PHACTR4: variants seen among roughly 807,000 people sequenced by gnomAD.
PHACTR4 encodes phosphatase and actin regulator 4.
Under a neutral mutation model 72.7 loss-of-function variants are expected in PHACTR4, and 51 were observed. The observed-to-expected ratio is 0.70, with a 90% CI of 0.56 to 0.89. The LOEUF (loss-of-function observed/expected upper bound fraction) is 0.89, where lower values mean the gene tolerates loss of function less well. PHACTR4 is among the 40% of genes least tolerant of loss of function. PHACTR4 has a pLI of 0.00. For synonymous variants in PHACTR4, 255 were observed against 302.5 expected (o/e 0.84, Z 1.63); for missense variants, 731 against 861.8 (o/e 0.85, Z 1.90).
intron 1 of PHACTR4, among the ~76,000 whole-genome samples, chr1:28,378,362 C>T (rs900340725): frequency 2.8e-5 from 4 of 140,582 alleles, no homozygotes; most frequent in Admixed American, 7.1e-5. Flanking sequence ...AAATTGGCTG[C>T]GTGTGGTGGC....
chr1:28,474,215 A>G (rs912880271), intron 7 of PHACTR4, 64 bp downstream of exon 7: 2 of 1,442,868 alleles, frequency 1.4e-6, no homozygotes, highest in Non-Finnish European at 9.4e-7. Flanking sequence ...CTTGGAAAAA[A>G]TTACTTATAA....
At chr1:28,478,622 G>GT (rs1335069214) in intron 8 of PHACTR4, among the ~76,000 whole-genome samples, 2 of 151,828 alleles carry the variant, frequency 1.3e-5, no homozygotes, top group Admixed American at 6.6e-5. Context: ...TTTTGTTTTT[G>GT]TTTTTGTTTT....
chr1:28,430,797 G>A (rs946579019), intron 2 of PHACTR4, among the ~76,000 whole-genome samples: 1 of 152,006 alleles, frequency 6.6e-6, no homozygotes, highest in Non-Finnish European at 1.5e-5. Context: ...GATTTTCCTA[G>A]GTAATCCAAT....
chr1:28,386,956 G>T (rs1452501650), intron 1 of PHACTR4, among the ~76,000 whole-genome samples: 1 of 152,108 alleles, frequency 6.6e-6, no homozygotes, highest in Non-Finnish European at 1.5e-5. Flanking sequence ...TGTTTATTAA[G>T]CAAGCTTAAA....
At chr1:28,413,557 T>C (rs891293227) in intron 2 of PHACTR4, among the ~76,000 whole-genome samples, 1 of 152,232 alleles carries the variant, frequency 6.6e-6, no homozygotes. Flanking sequence ...CCTTTAGATA[T>C]GTTTCCTGCA....
chr1:28,435,926 A>G (rs568219669), intron 2 of PHACTR4, among the ~76,000 whole-genome samples: 2 of 152,330 alleles, frequency 1.3e-5, no homozygotes, highest in South Asian at 4.1e-4. Flanking sequence ...TTGTGCTTTC[A>G]GTGCATTTTT....
At position 28,423,408 on chromosome 1, in the gene PHACTR4, C is replaced by CAAATAAATAAATAAAT. The variant is rs148724281; in HGVS notation, c.16+15966_16+15981dup. Among the ~76,000 whole-genome samples, 508 of 147,674 alleles carry CAAATAAATAAATAAAT rather than the reference C, an allele frequency of 3.4e-3. 4 individuals are homozygous for CAAATAAATAAATAAAT. Among genetic ancestry groups the CAAATAAATAAATAAAT allele is most frequent in the African/African-American group, 0.011 (441 of 40,230 alleles). Reference sequence around the variant, plus strand: ...TGGGCAACAGAGCAAGATCCTGCCTCAAATAAATAAATAAATAAATAAATA... The same window carrying CAAATAAATAAATAAAT: ...TGGGCAACAGAGCAAGATCCTGCCTCAAATAAATAAATAAATAAATAAATAAATAAATAAATAAATA... On this transcript the variant is annotated intron_variant, in intron 2 of 13. Transcript: ENST00000373839.
At chr1:28,456,528 A>G (rs903051624) in intron 2 of PHACTR4, among the ~76,000 whole-genome samples, 1 of 152,056 alleles carries the variant, frequency 6.6e-6, no homozygotes. Context: ...CAGTGGCACG[A>G]TCACAGCTCA....
chr1:28,420,517 C>T (rs1459760442), intron 2 of PHACTR4, among the ~76,000 whole-genome samples: 3 of 152,168 alleles, frequency 2.0e-5, no homozygotes, highest in Non-Finnish European at 2.9e-5. Flanking sequence ...TCAATTAAAC[C>T]CCTTTCCTTT....
Position 28,476,301 on chromosome 1 carries a change from G to A in PHACTR4, c.1606+10G>A, listed in dbSNP as rs373697135. 4.2e-5 allele frequency: 67 copies of A among 1,577,206 alleles called. No homozygotes were observed. In the African/African-American group the frequency reaches 8.5e-4, roughly 20 times the overall value. On this transcript the variant is annotated intron_variant, in intron 8 of 13. Transcript: ENST00000373839. The stretch of plus-strand genomic sequence containing the variant: ...GATGAAAGCTATCAGAGTAAGAAAG[G>A]GAGGGAAAAGCAAAACAGAGAATTC...
chr1:28,370,826 G>A (rs1466870925), intron 1 of PHACTR4, among the ~76,000 whole-genome samples: 2 of 151,954 alleles, frequency 1.3e-5, no homozygotes, highest in Non-Finnish European at 2.9e-5. Context: ...GTGGTGGCGC[G>A]CGCCTGTAAT....
chr1:28,419,175 G>A (rs569920875), intron 2 of PHACTR4, among the ~76,000 whole-genome samples: 99 of 150,614 alleles, frequency 6.6e-4, no homozygotes, highest in African/African-American at 2.3e-3. Flanking sequence ...GTAGAGACAG[G>A]GTTTCACCAT....
At chr1:28,414,644 T>G (rs1654997107) in intron 2 of PHACTR4, among the ~76,000 whole-genome samples, 1 of 151,656 alleles carries the variant, frequency 6.6e-6, no homozygotes, top group Non-Finnish European at 1.5e-5. Context: ...TCCCCAAAAG[T>G]TGAGATTACA....
Position 28,378,078 on chromosome 1 carries a change from T to A in PHACTR4, c.-39+8253T>A, listed in dbSNP as rs1250593372. ...CGGGCATGGTGGTGGGTGCCTGTAG[T>A]CCCAGCTACTCGGGAGGCTGAGGCA... is the stretch of plus-strand genomic sequence containing the variant. On this transcript the variant is annotated intron_variant, in intron 1 of 13. Transcript: ENST00000373839. 5.3e-5 allele frequency among the ~76,000 whole-genome samples: 8 copies of A among 150,564 alleles called. No individual in the cohort carries two copies. In the East Asian group the frequency reaches 1.6e-3, roughly 29 times the overall value.
At chr1:28,409,529 G>A (rs996570553) in intron 2 of PHACTR4, among the ~76,000 whole-genome samples, 1 of 152,132 alleles carries the variant, frequency 6.6e-6, no homozygotes, top group African/African-American at 2.4e-5. Context: ...GAAATCAGAG[G>A]CAGTTTTACT....
chr1:28,415,518 T>G (rs1399154031), intron 2 of PHACTR4, among the ~76,000 whole-genome samples: 2 of 152,222 alleles, frequency 1.3e-5, no homozygotes, highest in African/African-American at 2.4e-5. Context: ...ATATCACTTA[T>G]TTAAAAGTAC....
chr1:28,493,054 G>A lies in PHACTR4; in HGVS notation c.2056G>A (p.Glu686Lys), dbSNP rs1381777401. The A allele has an allele frequency of 3.1e-6, 5 of 1,613,586 alleles. No homozygotes were observed. The highest frequency in any genetic ancestry group is 1.3e-5 in the African/African-American group (1 of 75,028). The change falls in exon 13 of 14, where the codon GAG becomes AAG. Residue 686 changes from glutamate to lysine, a missense_variant. Glu to Lys is a moderately conservative substitution (Grantham distance 56). Transcript: ENST00000373839. ...RKELNEFKSSEMEVHEESKHF... is the reference protein window; with the variant it reads ...RKELNEFKSSKMEVHEESKHF... ...AGAATTAAATGAATTTAAAAGCTCC[G>A]AGATGGAGGTTCATGAAGAGAGCAA...
At chr1:28,484,182 G>A (rs997882243) in intron 9 of PHACTR4, among the ~76,000 whole-genome samples, 16 of 152,012 alleles carry the variant, frequency 1.1e-4, no homozygotes, top group Non-Finnish European at 1.9e-4. Context: ...TTAGCCAGGC[G>A]TGGTGGCGCC....
chr1:28,490,869 T>C lies in PHACTR4; in HGVS notation c.1817-82T>C, dbSNP rs543613664. 153 of 1,299,858 alleles carry C rather than the reference T, an allele frequency of 1.2e-4. No homozygotes were observed. The East Asian group carries it at 2.4e-3, about 20-fold the overall frequency. The allele number at this position is 1,299,858 out of a possible 1,614,324, so 80.5% of individuals were successfully genotyped here. On this transcript the variant is annotated intron_variant, in intron 10 of 13. Coordinates refer to ENST00000373839, the MANE Select transcript of PHACTR4 (RefSeq NM_001048183.3). ...AAAAAAAAAAAACAAAAAAGAAATA[T>C]CTGTAATGTAATTACTAAAACGTTT...
Sources: gnomAD v4.1 joint callset for allele counts (sites outside exome capture counted in the v4.1 genomes callset) on GRCh38, gnomAD v4.1.1 for gene constraint, MANE v1.5 for transcripts, NCBI Gene and HGNC (gene_info 2026-07-23, HGNC 2026-07-21) for gene names.